Variants in MRPL13 observed in about 807,000 individuals in gnomAD.
MRPL13 encodes the protein large ribosomal subunit protein uL13m.
MRPL13 carries 33 observed loss-of-function variants against 29.0 expected under a neutral mutation model. That is an observed-to-expected ratio of 1.14 (90% confidence interval 0.86 to 1.52). MRPL13 has a LOEUF of 1.52. Ranked by LOEUF, MRPL13 falls within the 40% of genes most tolerant of loss-of-function variation. The pLI is 0.00. For missense variants in MRPL13, 227 were observed against 216.7 expected (o/e 1.05, Z -0.30); for synonymous variants, 77 against 68.4 (o/e 1.13, Z -0.62).
At chr8:120,407,962 C>A (rs1812695665) in intron 6 of MRPL13, among the ~76,000 whole-genome samples, 1 of 152,118 alleles carries the variant, frequency 6.6e-6, no homozygotes, top group South Asian at 2.1e-4. Flanking sequence ...AGTTTTAAGT[C>A]ACTTCCATTG....
intron 5 of MRPL13, chr8:120,419,606 C>T: frequency 4.0e-6 from 1 of 251,920 alleles, no homozygotes; most frequent in Non-Finnish European, 7.4e-6. Context: ...CAAAAGCAAG[C>T]AGTGATTAAA....
At chr8:120,396,988 C>T (rs1008863003) in intron 6 of MRPL13, among the ~76,000 whole-genome samples, 1 of 152,148 alleles carries the variant, frequency 6.6e-6, no homozygotes, top group African/African-American at 2.4e-5. Context: ...ACTGACTAGG[C>T]GGACAACTCG....
rs1178483636 is a variant in MRPL13 at position 120,407,712 on chromosome 8, CCTA to C, written c.515+6276_515+6278del. Reference sequence around the variant, plus strand: ...ACAAAACAAAAAATACATTATTGGTCCTACTAAGAATAATTTATTTTTCAAGTA... The same window carrying C: ...ACAAAACAAAAAATACATTATTGGTCCTAAGAATAATTTATTTTTCAAGTA... On this transcript the variant is annotated intron_variant, in intron 6 of 6. Transcript: ENST00000306185. 4.0e-5 allele frequency among the ~76,000 whole-genome samples: 6 copies of C among 151,634 alleles called. No homozygotes were observed. In the East Asian group the frequency reaches 1.2e-3, roughly 29 times the overall value.
chr8:120,419,975 G>T (rs373065613), intron 4 of MRPL13, 37 bp from the exon 5 acceptor site: 44 of 1,372,126 alleles, frequency 3.2e-5, no homozygotes, highest in Admixed American at 1.8e-4. Context: ...AGAAAATTGT[G>T]ACTTGCGATA....
Position 120,413,992 on chromosome 8 carries a change from G to A in MRPL13, c.514C>T (p.Pro172Ser), listed in dbSNP as rs745611473. The change falls in exon 6 of 7, where the codon CCA becomes TCA. Residue 172 changes from proline to serine, a missense_variant and splice_region_variant. Coordinates refer to ENST00000306185, the MANE Select transcript of MRPL13 (RefSeq NM_014078.6). ...AACAAGAAGAAGGGAAACACTTACGGAGTCCACAATCTTGGGAAGGCGTCT... is the reference window on the plus strand; with the variant it reads ...AACAAGAAGAAGGGAAACACTTACGAAGTCCACAATCTTGGGAAGGCGTCT... ...EIDAFPRLWTPPEDYRL is the reference protein window; with the variant it reads ...EIDAFPRLWTSPEDYRL The A allele has an allele frequency of 1.3e-6, 2 of 1,545,974 alleles. No homozygotes were observed. The highest frequency in any genetic ancestry group is 4.4e-5 in the Admixed American group (2 of 45,852).
At chr8:120,444,858 G>A (rs1813184227) in intron 1 of MRPL13, 1 of 562,590 alleles carries the variant, frequency 1.8e-6, no homozygotes, top group African/African-American at 1.9e-5. Context: ...ACATGAAAAG[G>A]GCAGATTGAA....
At chr8:120,437,474 A>C (rs1405276000) in intron 2 of MRPL13, among the ~76,000 whole-genome samples, 1 of 152,214 alleles carries the variant, frequency 6.6e-6, no homozygotes, top group Non-Finnish European at 1.5e-5. Flanking sequence ...CTCCTCAATG[A>C]ATATTAATTC....
intron 2 of MRPL13, among the ~76,000 whole-genome samples, chr8:120,437,906 G>A (rs1464595231): frequency 6.6e-6 from 1 of 152,030 alleles, no homozygotes; most frequent in African/African-American, 2.4e-5. Context: ...GTGATTATAA[G>A]CCCATAATAT....
At chr8:120,443,367 T>C in intron 1 of MRPL13, 59 bp from the exon 2 acceptor site, 1 of 1,351,222 alleles carries the variant, frequency 7.4e-7, no homozygotes, top group Non-Finnish European at 9.8e-7. Flanking sequence ...ATCATTAAAA[T>C]GGAAATACAG....
chr8:120,442,693 T>C (rs974596057), intron 2 of MRPL13, among the ~76,000 whole-genome samples: 3 of 152,180 alleles, frequency 2.0e-5, no homozygotes, highest in Non-Finnish European at 4.4e-5. Flanking sequence ...CGAAAACAAC[T>C]TTTTAATTTT....
intron 5 of MRPL13, among the ~76,000 whole-genome samples, chr8:120,418,552 C>A (rs1563773749): frequency 6.6e-6 from 1 of 152,022 alleles, no homozygotes; most frequent in Non-Finnish European, 1.5e-5. Flanking sequence ...TGAATACTTA[C>A]CAATTCACTT....
chr8:120,397,895 G>A (rs550007273), intron 6 of MRPL13, among the ~76,000 whole-genome samples: 50 of 151,906 alleles, frequency 3.3e-4, no homozygotes, highest in Admixed American at 8.5e-4. Context: ...GTGGGACCCC[G>A]ATCCATCCCT....
chr8:120,410,236 C>T (rs575870418), intron 6 of MRPL13, among the ~76,000 whole-genome samples: 7 of 152,232 alleles, frequency 4.6e-5, no homozygotes, highest in African/African-American at 1.4e-4. Context: ...ATACTTGTGG[C>T]GCAATGCAGG....
chr8:120,435,949 GTCCTT>G (rs933111702), intron 2 of MRPL13, among the ~76,000 whole-genome samples: 6 of 151,990 alleles, frequency 3.9e-5, no homozygotes, highest in African/African-American at 1.4e-4. Context: ...CTTTATGTAT[GTCCTT>G]TGCCCACTTT....
intron 4 of MRPL13, among the ~76,000 whole-genome samples, chr8:120,424,127 A>G (rs1240038179): frequency 6.6e-6 from 1 of 152,164 alleles, no homozygotes; most frequent in African/African-American, 2.4e-5. Flanking sequence ...ATATGAGGCA[A>G]ACACTAATCA....
chr8:120,421,019 T>C (rs1038702497), intron 4 of MRPL13, among the ~76,000 whole-genome samples: 22 of 151,748 alleles, frequency 1.4e-4, no homozygotes, highest in African/African-American at 4.9e-4. Flanking sequence ...AAACAACATG[T>C]ACATGCAAAA....
chr8:120,402,324 T>C lies in MRPL13; in HGVS notation c.516-6199A>G, dbSNP rs564658319. Among the ~76,000 whole-genome samples, 5 of 152,172 alleles carry C rather than the reference T, an allele frequency of 3.3e-5. No homozygotes were observed. In the South Asian group the frequency reaches 8.3e-4, roughly 25 times the overall value. ...AGACACATAGACCAATGGAACAGAA[T>C]TGAGAACTCAGAAATAAGACCACAT... is the stretch of plus-strand genomic sequence containing the variant. On this transcript the variant is annotated intron_variant, in intron 6 of 6. Coordinates refer to ENST00000306185, the MANE Select transcript of MRPL13 (RefSeq NM_014078.6).
chr8:120,411,546 AAATACAG>A (rs1434195422), intron 6 of MRPL13, among the ~76,000 whole-genome samples: 1 of 152,244 alleles, frequency 6.6e-6, no homozygotes, highest in Non-Finnish European at 1.5e-5. Context: ...AGGGAGAAAG[AAATACAG>A]AATGATTTAT....
intron 2 of MRPL13, among the ~76,000 whole-genome samples, chr8:120,442,501 A>C (rs1464599960): frequency 6.6e-6 from 1 of 152,194 alleles, no homozygotes; most frequent in Non-Finnish European, 1.5e-5. Flanking sequence ...TTTTATATAT[A>C]CATATTTGTA....
Sources: gnomAD v4.1 joint callset for allele counts (sites outside exome capture counted in the v4.1 genomes callset) on GRCh38, gnomAD v4.1.1 for gene constraint, MANE v1.5 for transcripts, NCBI Gene and HGNC (gene_info 2026-07-23, HGNC 2026-07-21) for gene names.